The following CDK13 variants were observed in gnomAD, a reference collection of about 807,000 sequenced individuals.
CDK13 encodes cyclin dependent kinase 13, also known as cyclin-dependent kinase 13.
In CDK13, 40 loss-of-function variants were observed where a neutral mutation model predicts 137.6. The ratio of observed to expected loss-of-function variants is 0.29; its 90% confidence interval spans 0.23 to 0.38. The LOEUF is 0.38. CDK13 is among the 10% of genes least tolerant of loss of function. The probability of loss-of-function intolerance (pLI) is 1.00; values close to 1 mark genes in which losing one functional copy is unlikely to be tolerated. For missense variants in CDK13, 1,704 were observed against 1,951.8 expected, an observed-to-expected ratio of 0.87 and a Z score of 2.39; for synonymous variants, 869 against 760.1, an observed-to-expected ratio of 1.14 and a Z score of -2.36.
intron 5 of CDK13, among the ~76,000 whole-genome samples, chr7:40,006,231 C>T (rs1784793533): frequency 6.6e-6 from 1 of 152,090 alleles, no homozygotes; most frequent in Non-Finnish European, 1.5e-5. Flanking sequence ...CCTCTAGGTA[C>T]TCAGTTTCTT....
intron 13 of CDK13, 68 bp downstream of exon 13, chr7:40,093,305 A>G: frequency 5.5e-6 from 7 of 1,268,104 alleles, no homozygotes; most frequent in South Asian, 4.1e-5. Flanking sequence ...TGCTGACTAT[A>G]TATAATGTGT....
intron 1 of CDK13, among the ~76,000 whole-genome samples, chr7:39,973,146 C>CT (rs1180046510): frequency 1.3e-5 from 2 of 151,860 alleles, no homozygotes; most frequent in East Asian, 1.9e-4. Context: ...ACTACCCCCT[C>CT]TTTTTTTTGA....
chr7:40,049,568 T>G (rs1785834340), intron 7 of CDK13, among the ~76,000 whole-genome samples: 1 of 152,224 alleles, frequency 6.6e-6, no homozygotes, highest in Admixed American at 6.5e-5. Flanking sequence ...CTAATTACTA[T>G]GCATTACCCC....
intron 5 of CDK13, among the ~76,000 whole-genome samples, chr7:40,026,463 CG>C (rs139549837): frequency 0.11 from 16,632 of 152,202 alleles, 1,067 homozygotes; most frequent in Middle Eastern, 0.16. Flanking sequence ...TAGTGAGCTG[CG>C]ATTGCAGCAC....
At chr7:40,087,977 T>A (rs1284937604) in intron 11 of CDK13, 149 bp from the exon 12 acceptor site, 1 of 619,744 alleles carries the variant, frequency 1.6e-6, no homozygotes, top group East Asian at 2.8e-5. Flanking sequence ...ACAATAAGGA[T>A]GATTTTTATT....
At chr7:40,055,958 A>G (rs1786012037) in intron 7 of CDK13, among the ~76,000 whole-genome samples, 1 of 152,132 alleles carries the variant, frequency 6.6e-6, no homozygotes, top group African/African-American at 2.4e-5. Flanking sequence ...TGGGCTTTAA[A>G]TTTCCTGGAA....
chr7:40,079,462 T>A (rs1786617863), intron 11 of CDK13, among the ~76,000 whole-genome samples: 1 of 152,162 alleles, frequency 6.6e-6, no homozygotes, highest in East Asian at 1.9e-4. Flanking sequence ...CTAATACTAC[T>A]TCTACTAAAT....
chr7:40,060,778 G>C (rs1786124552), intron 7 of CDK13: 2 of 152,026 alleles, frequency 1.3e-5, no homozygotes, highest in African/African-American at 4.8e-5. Flanking sequence ...ATTAAAAGGG[G>C]ATAAGGCAGC....
At chr7:40,002,280 G>A (rs896059443) in intron 5 of CDK13, 1 of 255,090 alleles carries the variant, frequency 3.9e-6, no homozygotes, top group Non-Finnish European at 7.4e-6. Context: ...GTTTTATTGG[G>A]CATCAGTGTA....
chr7:39,992,802 T>C (rs763734233), intron 2 of CDK13, among the ~76,000 whole-genome samples: 1 of 152,100 alleles, frequency 6.6e-6, no homozygotes, highest in Non-Finnish European at 1.5e-5. Context: ...CTAACCCCTT[T>C]ATTTCCCATA....
intron 11 of CDK13, among the ~76,000 whole-genome samples, chr7:40,085,022 ATCTT>A (rs1786755119): frequency 6.6e-6 from 1 of 152,176 alleles, no homozygotes; most frequent in Non-Finnish European, 1.5e-5. Context: ...GGTAAAATTT[ATCTT>A]TCCTAGAGAT....
intron 5 of CDK13, among the ~76,000 whole-genome samples, chr7:40,034,983 T>G (rs1408465943): frequency 1.3e-5 from 2 of 152,188 alleles, no homozygotes; most frequent in East Asian, 3.8e-4. Context: ...TAGGCACAAT[T>G]GATAATATTT....
intron 10 of CDK13, 90 bp downstream of exon 10, chr7:40,078,211 C>T (rs1786588859): frequency 1.6e-6 from 1 of 611,440 alleles, no homozygotes; most frequent in Admixed American, 3.3e-5. Flanking sequence ...CTCTAGTGAT[C>T]TGAGGTAAAC....
chr7:40,091,522 A>G (rs1453463654), intron 12 of CDK13, among the ~76,000 whole-genome samples: 1 of 152,100 alleles, frequency 6.6e-6, no homozygotes, highest in Non-Finnish European at 1.5e-5. Flanking sequence ...CAAAAAAAAA[A>G]AAGAAGGAGA....
chr7:40,047,035 A>AAAG (rs398004493), intron 6 of CDK13, among the ~76,000 whole-genome samples: 1 of 150,718 alleles, frequency 6.6e-6, no homozygotes, highest in Non-Finnish European at 1.5e-5. Context: ...AAAAAAAAAA[A>AAAG]TCTAATAATA....
At chr7:40,013,482 C>T (rs531182099) in intron 5 of CDK13, among the ~76,000 whole-genome samples, 2 of 152,232 alleles carry the variant, frequency 1.3e-5, no homozygotes, top group East Asian at 1.9e-4. Flanking sequence ...ACCAAGAAAA[C>T]GTGCTAAGTG....
At chr7:39,957,427 CA>C (rs1190255992) in intron 1 of CDK13, among the ~76,000 whole-genome samples, 1 of 151,626 alleles carries the variant, frequency 6.6e-6, no homozygotes, top group Admixed American at 6.6e-5. Context: ...TCCTAGAGGA[CA>C]AATTACAGAG....
chr7:40,066,107 T>C (rs974968072), intron 9 of CDK13, among the ~76,000 whole-genome samples: 5 of 152,116 alleles, frequency 3.3e-5, no homozygotes, highest in African/African-American at 1.2e-4. Flanking sequence ...CTCGTGAAGC[T>C]GAGGTGAGAG....
intron 12 of CDK13, among the ~76,000 whole-genome samples, chr7:40,091,712 T>A (rs1786928655): frequency 6.6e-6 from 1 of 152,052 alleles, no homozygotes; most frequent in Admixed American, 6.6e-5. Flanking sequence ...TAAGGAAAAA[T>A]GACTTTTGAT....
Sources: allele counts gnomAD v4.1 joint callset (sites outside exome capture counted in the v4.1 genomes callset), GRCh38; gene constraint gnomAD v4.1.1; transcripts MANE v1.5; gene names NCBI Gene and HGNC (gene_info 2026-07-23, HGNC 2026-07-21).